The following CTNNA3 variants were observed in gnomAD, a reference collection of about 807,000 sequenced individuals.
CTNNA3 encodes the protein catenin alpha 3.
In CTNNA3, 76 loss-of-function variants were observed where a neutral mutation model predicts 95.7. That is an observed-to-expected ratio of 0.79 (90% CI 0.66 to 0.96). The LOEUF (loss-of-function observed/expected upper bound fraction) is 0.96. Ranked by LOEUF, CTNNA3 falls within the 40% of genes least tolerant of loss-of-function variation. The pLI is 0.00. For synonymous variants in CTNNA3, 431 were observed against 374.4 expected (o/e 1.15, Z -1.74); for missense variants, 1,191 against 1,089.8 (o/e 1.09, Z -1.31).
At chr10:67,653,849 T>C (rs1839945202) in intron 1 of CTNNA3, among the ~76,000 whole-genome samples, 1 of 152,100 alleles carries the variant, frequency 6.6e-6, no homozygotes, top group African/African-American at 2.4e-5. Context: ...ATCTATTCTA[T>C]CCTATCCTAC....
intron 15 of CTNNA3, among the ~76,000 whole-genome samples, chr10:66,029,084 G>A (rs2079401697): frequency 6.6e-6 from 1 of 152,074 alleles, no homozygotes; most frequent in African/African-American, 2.4e-5. Context: ...CATTTAAAAA[G>A]AGATAGAAAT....
chr10:66,605,268 T>G (rs1844077848), intron 10 of CTNNA3, among the ~76,000 whole-genome samples: 1 of 151,922 alleles, frequency 6.6e-6, no homozygotes, highest in Non-Finnish European at 1.5e-5. Flanking sequence ...GAAAAAAGAA[T>G]GAAAAGGAAT....
chr10:66,250,720 T>G (rs1284386098), intron 13 of CTNNA3, among the ~76,000 whole-genome samples: 1 of 152,182 alleles, frequency 6.6e-6, no homozygotes, highest in East Asian at 1.9e-4. Flanking sequence ...CTACTCTTTG[T>G]CTATGCTTCT....
At chr10:66,549,759 T>C (rs1842157018) in intron 10 of CTNNA3, among the ~76,000 whole-genome samples, 1 of 152,196 alleles carries the variant, frequency 6.6e-6, no homozygotes, top group Non-Finnish European at 1.5e-5. Context: ...AAGTGTGCTG[T>C]TTAATTTATA....
intron 10 of CTNNA3, among the ~76,000 whole-genome samples, chr10:66,535,741 C>A (rs1248418662): frequency 6.6e-6 from 1 of 152,092 alleles, no homozygotes; most frequent in Non-Finnish European, 1.5e-5. Flanking sequence ...GTCTGTATTT[C>A]TCCATAGTCA....
At chr10:66,546,443 C>A (rs563426847) in intron 10 of CTNNA3, among the ~76,000 whole-genome samples, 1 of 152,176 alleles carries the variant, frequency 6.6e-6, no homozygotes, top group South Asian at 2.1e-4. Flanking sequence ...TGATTCAGTA[C>A]AACATGGTTG....
At chr10:67,232,583 T>A (rs1308556231) in intron 5 of CTNNA3, among the ~76,000 whole-genome samples, 1 of 149,492 alleles carries the variant, frequency 6.7e-6, no homozygotes, top group Non-Finnish European at 1.5e-5. Context: ...CCATCGAGAC[T>A]AGGAAAAAAC....
intron 5 of CTNNA3, among the ~76,000 whole-genome samples, chr10:67,289,928 T>C (rs1192891288): frequency 6.6e-6 from 1 of 151,552 alleles, no homozygotes; most frequent in Non-Finnish European, 1.5e-5. Context: ...GCCTCCCAAC[T>C]ACCTAGGACT....
At chr10:66,422,093 T>C (rs1284765505) in intron 11 of CTNNA3, among the ~76,000 whole-genome samples, 7 of 151,820 alleles carry the variant, frequency 4.6e-5, no homozygotes, top group Non-Finnish European at 8.8e-5. Context: ...CCATTCAATG[T>C]TGATATTTCT....
intron 7 of CTNNA3, among the ~76,000 whole-genome samples, chr10:66,781,110 G>T (rs1304752579): frequency 6.6e-6 from 1 of 151,728 alleles, no homozygotes; most frequent in Non-Finnish European, 1.5e-5. Flanking sequence ...AAGAGATGAG[G>T]TTTAAAGCAA....
At chr10:66,751,328 T>C (rs1446726508) in intron 9 of CTNNA3, among the ~76,000 whole-genome samples, 2 of 152,222 alleles carry the variant, frequency 1.3e-5, no homozygotes, top group Non-Finnish European at 2.9e-5. Context: ...CAATTGACTT[T>C]TGTATATTAA....
At chr10:67,726,402 T>C (rs556096033) in intron 1 of CTNNA3, among the ~76,000 whole-genome samples, 1 of 44,038 alleles carries the variant, frequency 2.3e-5, no homozygotes, top group Non-Finnish European at 3.3e-5. Context: ...ATATTATATA[T>C]TATATCATAT....
chr10:66,390,033 G>T (rs902529667), intron 11 of CTNNA3, among the ~76,000 whole-genome samples: 2 of 152,118 alleles, frequency 1.3e-5, no homozygotes, highest in Admixed American at 1.3e-4. Context: ...CCTGCACCTG[G>T]CCAGTTTTCA....
At chr10:67,176,650 GATGTA>G (rs1331278218) in intron 7 of CTNNA3, among the ~76,000 whole-genome samples, 2 of 152,234 alleles carry the variant, frequency 1.3e-5, no homozygotes, top group Non-Finnish European at 2.9e-5. Flanking sequence ...GGATTTTGCA[GATGTA>G]ATTAAGGTTA....
chr10:67,015,931 G>GA (rs1852628201), intron 7 of CTNNA3, among the ~76,000 whole-genome samples: 1 of 151,854 alleles, frequency 6.6e-6, no homozygotes, highest in Non-Finnish European at 1.5e-5. Context: ...TATTTGTGTT[G>GA]CTTCCAGTGT....
intron 9 of CTNNA3, among the ~76,000 whole-genome samples, chr10:66,635,663 C>T (rs887545709): frequency 6.6e-6 from 1 of 152,084 alleles, no homozygotes; most frequent in Middle Eastern, 3.2e-3. Flanking sequence ...ATTGTGTAAA[C>T]TTCCTGGATG....
chr10:66,090,917 T>C (rs1027446377), intron 14 of CTNNA3, among the ~76,000 whole-genome samples: 7 of 151,960 alleles, frequency 4.6e-5, no homozygotes, highest in Non-Finnish European at 1.5e-5. Context: ...AATATAAAAA[T>C]ACTATTTCGG....
At chr10:67,669,359 A>C (rs1840390116) in intron 1 of CTNNA3, among the ~76,000 whole-genome samples, 1 of 152,210 alleles carries the variant, frequency 6.6e-6, no homozygotes, top group Admixed American at 6.5e-5. Flanking sequence ...CTGTCCATCC[A>C]TGTTACACTC....
chr10:67,750,354 C>G, intron 1 of CTNNA3: 2 of 1,510,514 alleles, frequency 1.3e-6, no homozygotes. Flanking sequence ...TGGAAGTCTC[C>G]TCTCGGCAAA....
Sources: allele counts gnomAD v4.1 joint callset (sites outside exome capture counted in the v4.1 genomes callset), GRCh38; gene constraint gnomAD v4.1.1; transcripts MANE v1.5; gene names NCBI Gene and HGNC (gene_info 2026-07-23, HGNC 2026-07-21).